The following GARRE1 variants were observed in gnomAD, a reference collection of about 807,000 sequenced individuals.
GARRE1 encodes granule associated Rac and RHOG effector 1.
A neutral mutation model predicts 103.2 loss-of-function variants in GARRE1; 49 were observed. The ratio of observed to expected loss-of-function variants is 0.47; its 90% CI spans 0.38 to 0.60. The LOEUF (loss-of-function observed/expected upper bound fraction) is 0.60. Among genes scored for constraint, GARRE1 ranks in the 20% least tolerant of loss-of-function variants. The pLI is 0.00. For missense variants in GARRE1, 1,199 were observed against 1,370.5 expected (o/e 0.87, Z 1.98); for synonymous variants, 505 against 532.8 (o/e 0.95, Z 0.72).
Position 34,300,371 on chromosome 19 carries a change from C to A in GARRE1, c.-103C>A, listed in dbSNP as rs753481752. Reference sequence around the variant, plus strand: ...CATGGAAATGCCTTTTTTAAAACTTCGATTTGCAGAACTCCACTATTTTTA... The same window carrying A: ...CATGGAAATGCCTTTTTTAAAACTTAGATTTGCAGAACTCCACTATTTTTA... On this transcript the variant is annotated 5_prime_UTR_variant, in exon 2 of 14. Transcript: ENST00000299505. 7.2e-7 allele frequency: 1 copy of A among 1,387,050 alleles called. No homozygotes were observed. The highest frequency in any genetic ancestry group is 2.3e-5 in the East Asian group (1 of 43,124). The allele number at this position is 1,387,050 out of a possible 1,614,324, so 85.9% of individuals were successfully genotyped here.
In GARRE1 at chr19:34,354,256, T is replaced by C. The variant is rs946333471; in HGVS notation, c.*1301T>C. 1 of 152,252 alleles carries C rather than the reference T, an allele frequency of 6.6e-6. No individual in the cohort carries two copies. Among genetic ancestry groups the C allele is most frequent in the Non-Finnish European group, 1.5e-5 (1 of 68,028 alleles). 9.4% of individuals were successfully genotyped at this position (152,252 alleles called of 1,614,324 possible). ...CTTAAATCATTAAACCATTTTAATA[T>C]ATGTTAACTACTAATAAATGGTTTA... On this transcript the variant is annotated 3_prime_UTR_variant, in exon 14 of 14. Coordinates refer to ENST00000299505, the MANE Select transcript of GARRE1 (RefSeq NM_014686.5).
chr19:34,306,285 A>G (rs941980293), intron 2 of GARRE1, among the ~76,000 whole-genome samples: 2 of 152,234 alleles, frequency 1.3e-5, no homozygotes, highest in African/African-American at 4.8e-5. Context: ...TGGGTGAGAA[A>G]AGCTCTGGAT....
intron 1 of GARRE1, among the ~76,000 whole-genome samples, chr19:34,285,775 C>T (rs760122600): frequency 4.6e-5 from 7 of 151,714 alleles, no homozygotes; most frequent in African/African-American, 7.3e-5. Flanking sequence ...GGATTATAGG[C>T]GTGAGCCACT....
At chr19:34,288,537 C>T (rs1474435733) in intron 1 of GARRE1, among the ~76,000 whole-genome samples, 1 of 152,212 alleles carries the variant, frequency 6.6e-6, no homozygotes. Context: ...CTGTGGCCGA[C>T]TGTAGGGCTT....
chr19:34,268,789 C>T (rs190787862), intron 1 of GARRE1, among the ~76,000 whole-genome samples: 9 of 151,992 alleles, frequency 5.9e-5, no homozygotes, highest in African/African-American at 9.7e-5. Context: ...AGTGAGACTC[C>T]GTCTCTTAAA....
intron 6 of GARRE1, 90 bp downstream of exon 6, chr19:34,328,241 A>G: frequency 1.1e-6 from 1 of 899,130 alleles, no homozygotes; most frequent in Non-Finnish European, 1.5e-6. Flanking sequence ...GATGTAGATT[A>G]AAAAAAAAAT....
In GARRE1 at chr19:34,342,048, C is replaced by T. The variant is rs779272949; in HGVS notation, c.2114C>T (p.Ala705Val). ...CCCCCTCCACCACGGGCACCCCAGG[C>T]TGGGGCACACACACCTCTGACACCC... ...PVPPPPRAPQ[A>V]GAHTPLTPQP... The change falls in exon 10 of 14, where the codon GCT (alanine) becomes GTT (valine). Residue 705 changes from alanine (A) to valine (V), a missense_variant. Physicochemically the swap from Ala to Val is moderately conservative, Grantham distance 64. Coordinates refer to ENST00000299505, the MANE Select transcript of GARRE1 (RefSeq NM_014686.5). 4.3e-5 allele frequency: 69 copies of T among 1,614,080 alleles called. No individual in the cohort carries two copies. Among genetic ancestry groups the T allele is most frequent in the Non-Finnish European group, 5.8e-5 (69 of 1,180,034 alleles).
At chr19:34,306,064 G>A (rs1484239804) in intron 2 of GARRE1, among the ~76,000 whole-genome samples, 1 of 152,170 alleles carries the variant, frequency 6.6e-6, no homozygotes, top group East Asian at 1.9e-4. Context: ...GTACTGCCAG[G>A]GGATTTAGCC....
intron 8 of GARRE1, among the ~76,000 whole-genome samples, chr19:34,335,769 A>T (rs916653242): frequency 4.6e-5 from 7 of 152,130 alleles, no homozygotes; most frequent in African/African-American, 4.8e-5. Context: ...CAGGTGATCC[A>T]CCTGCTTCGG....
chr19:34,291,568 G>C (rs1213719003), intron 1 of GARRE1, among the ~76,000 whole-genome samples: 1 of 152,184 alleles, frequency 6.6e-6, no homozygotes, highest in Non-Finnish European at 1.5e-5. Flanking sequence ...GGACAGGAGA[G>C]CTCAAGAGAG....
At chr19:34,271,495 G>C (rs969815994) in intron 1 of GARRE1, among the ~76,000 whole-genome samples, 4 of 151,754 alleles carry the variant, frequency 2.6e-5, no homozygotes, top group African/African-American at 9.7e-5. Context: ...TCATCCACCC[G>C]CCTCGGCCTT....
chr19:34,310,867 A>G (rs2074033059), intron 2 of GARRE1, among the ~76,000 whole-genome samples: 1 of 152,190 alleles, frequency 6.6e-6, no homozygotes. Context: ...CTGAGAGCGC[A>G]TCTGAGCAGG....
intron 10 of GARRE1, among the ~76,000 whole-genome samples, chr19:34,346,738 T>A (rs917612053): frequency 6.6e-6 from 1 of 152,250 alleles, no homozygotes; most frequent in South Asian, 2.1e-4. Flanking sequence ...TGTCTCAGCC[T>A]CCTGAGTAGC....
intron 2 of GARRE1, among the ~76,000 whole-genome samples, chr19:34,304,802 A>T (rs919287062): frequency 1.7e-4 from 25 of 144,108 alleles, no homozygotes; most frequent in Admixed American, 3.4e-4. Flanking sequence ...TTATTTATTT[A>T]TTTTTTTGAG....
chr19:34,306,753 G>T (rs2074009027), intron 2 of GARRE1, among the ~76,000 whole-genome samples: 1 of 152,160 alleles, frequency 6.6e-6, no homozygotes, highest in African/African-American at 2.4e-5. Flanking sequence ...CAGTGGAAGT[G>T]TACATAAATA....
At chr19:34,298,328 T>G (rs1225736463) in intron 1 of GARRE1, among the ~76,000 whole-genome samples, 1 of 151,042 alleles carries the variant, frequency 6.6e-6, no homozygotes, top group African/African-American at 2.4e-5. Context: ...GCAGGAGGAT[T>G]GCTTGGGCCT....
In GARRE1 at chr19:34,353,002, C is replaced by T. The variant is rs62122221; in HGVS notation, c.*47C>T. 1.2e-3 allele frequency: 1,728 copies of T among 1,469,078 alleles called. 2 individuals carry two copies. The highest frequency in any genetic ancestry group is 1.4e-3 in the Non-Finnish European group (1,522 of 1,100,892). 91.0% of individuals were successfully genotyped at this position (1,469,078 alleles called of 1,614,324 possible). A position where few individuals can be genotyped will look rare whatever the true frequency, so the allele number is the denominator to read the frequency against. Reference sequence around the variant, plus strand: ...TGCCTGCCTGCCTGCCCGCCCAGAGCTGTGGGGATGAGTGTCCCCACCCCA... The same window carrying T: ...TGCCTGCCTGCCTGCCCGCCCAGAGTTGTGGGGATGAGTGTCCCCACCCCA... On this transcript the variant is annotated 3_prime_UTR_variant, in exon 14 of 14. Coordinates refer to ENST00000299505, the MANE Select transcript of GARRE1 (RefSeq NM_014686.5).
chr19:34,338,879 A>G (rs1157167748), intron 8 of GARRE1, among the ~76,000 whole-genome samples: 2 of 152,158 alleles, frequency 1.3e-5, no homozygotes, highest in African/African-American at 2.4e-5. Flanking sequence ...CCCTATATGA[A>G]GGATGGGCTT....
rs530243012 is a variant in GARRE1 at position 34,266,740 on chromosome 19, G to T, written c.-796+12126G>T. Reference sequence around the variant, plus strand: ...GAAGAGATGTTATAATTTATTGATAGAATTTTTTATGGATGCCTTAAATTC... The same window carrying T: ...GAAGAGATGTTATAATTTATTGATATAATTTTTTATGGATGCCTTAAATTC... On this transcript the variant is annotated intron_variant, in intron 1 of 13. Transcript: ENST00000299505. 2.9e-3 allele frequency among the ~76,000 whole-genome samples: 444 copies of T among 152,224 alleles called. 3 individuals carry two copies. The highest frequency in any genetic ancestry group is 4.5e-3 in the Non-Finnish European group (303 of 68,018).
Sources: gnomAD v4.1 joint callset for allele counts (sites outside exome capture counted in the v4.1 genomes callset) on GRCh38, gnomAD v4.1.1 for gene constraint, MANE v1.5 for transcripts, NCBI Gene and HGNC (gene_info 2026-07-23, HGNC 2026-07-21) for gene names.